SLC9A9: variants seen among roughly 807,000 people sequenced by gnomAD.
SLC9A9 encodes sodium/hydrogen exchanger 9.
In SLC9A9, 62 loss-of-function variants were observed where a neutral mutation model predicts 77.8. The observed-to-expected ratio is 0.80, with a 90% CI of 0.65 to 0.98. SLC9A9 has a LOEUF of 0.98. Ranked by LOEUF, SLC9A9 falls within the 50% of genes least tolerant of loss-of-function variation. The pLI is 0.00. For synonymous variants in SLC9A9, 320 were observed against 283.5 expected, an observed-to-expected ratio of 1.13 and a Z score of -1.29; for missense variants, 775 against 774.9, an observed-to-expected ratio of 1.00 and a Z score of 0.00.
chr3:143,514,238 T>A (rs541446591), intron 9 of SLC9A9, among the ~76,000 whole-genome samples: 1 of 150,916 alleles, frequency 6.6e-6, no homozygotes, highest in African/African-American at 2.4e-5. Flanking sequence ...GAGCAGTAAA[T>A]CTCAATGGCG....
chr3:143,739,576 T>C (rs1196821324), intron 4 of SLC9A9, among the ~76,000 whole-genome samples: 1 of 152,268 alleles, frequency 6.6e-6, no homozygotes, highest in Non-Finnish European at 1.5e-5. Flanking sequence ...AGTCTTACTT[T>C]ATTTTATGAT....
intron 2 of SLC9A9, among the ~76,000 whole-genome samples, chr3:143,804,636 C>G (rs993424782): frequency 6.6e-6 from 1 of 152,202 alleles, no homozygotes; most frequent in African/African-American, 2.4e-5. Flanking sequence ...CAGGCACATG[C>G]TCACTAGTTT....
At chr3:143,619,742 C>T (rs1044627191) in intron 6 of SLC9A9, among the ~76,000 whole-genome samples, 1 of 152,182 alleles carries the variant, frequency 6.6e-6, no homozygotes, top group Non-Finnish European at 1.5e-5. Flanking sequence ...AAGAAAGGAC[C>T]AAGTCGAAGC....
intron 12 of SLC9A9, among the ~76,000 whole-genome samples, chr3:143,396,278 G>T (rs990962398): frequency 2.0e-5 from 3 of 152,176 alleles, no homozygotes; most frequent in African/African-American, 7.2e-5. Flanking sequence ...CATAAAAAAT[G>T]ATGAGTTCCT....
At chr3:143,773,133 T>G (rs1336344938) in intron 4 of SLC9A9, among the ~76,000 whole-genome samples, 2 of 152,224 alleles carry the variant, frequency 1.3e-5, no homozygotes, top group African/African-American at 4.8e-5. Flanking sequence ...GGTTGTATAT[T>G]AATCTTCACT....
chr3:143,520,471 A>C (rs1372424176), intron 9 of SLC9A9, among the ~76,000 whole-genome samples: 1 of 152,212 alleles, frequency 6.6e-6, no homozygotes, highest in Non-Finnish European at 1.5e-5. Flanking sequence ...TGTAAGACAT[A>C]ACTGTTGTTT....
At chr3:143,383,898 G>A (rs1160622460) in intron 12 of SLC9A9, among the ~76,000 whole-genome samples, 1 of 152,182 alleles carries the variant, frequency 6.6e-6, no homozygotes, top group Non-Finnish European at 1.5e-5. Flanking sequence ...CTTATAAGGA[G>A]AACAGTAACG....
At chr3:143,379,182 T>G (rs1042939588) in intron 13 of SLC9A9, among the ~76,000 whole-genome samples, 40 of 152,198 alleles carry the variant, frequency 2.6e-4, no homozygotes, top group Non-Finnish European at 1.3e-4. Context: ...AACCTATTTG[T>G]TAATGCAAAC....
In SLC9A9 at chr3:143,674,294, T is replaced by A. The variant is rs759056015; in HGVS notation, c.649+18898A>T. Reference sequence around the variant, plus strand: ...AATCTTGCCTTAATGAACTGACACTTTTGATATCCAGGACGCTCTGACCAC... The same window carrying A: ...AATCTTGCCTTAATGAACTGACACTATTGATATCCAGGACGCTCTGACCAC... On this transcript the variant is annotated intron_variant, in intron 5 of 15. Transcript: ENST00000316549. Among the ~76,000 whole-genome samples the A allele has an allele frequency of 3.3e-5, 5 of 152,226 alleles. No homozygotes were observed. The South Asian group carries it at 1.0e-3, about 32-fold the overall frequency.
intron 12 of SLC9A9, among the ~76,000 whole-genome samples, chr3:143,449,033 A>G (rs2034907318): frequency 2.2e-5 from 1 of 45,098 alleles, no homozygotes; most frequent in Non-Finnish European, 3.3e-5. Flanking sequence ...TTATATAATT[A>G]TATAAAATAT....
intron 9 of SLC9A9, among the ~76,000 whole-genome samples, chr3:143,535,367 C>T (rs765265689): frequency 1.4e-4 from 22 of 152,208 alleles, no homozygotes; most frequent in Non-Finnish European, 2.9e-4. Context: ...AAGCTAAAAA[C>T]GAGTCAGGTC....
At position 143,363,465 on chromosome 3, in the gene SLC9A9, C is replaced by T. The variant is rs142872399; in HGVS notation, c.1604+19G>A. Reference sequence around the variant, plus strand: ...CTGCCTGCAGCAGGATCTGTGAGATCGTTATTATCAAAGGATACTTGTGGT... The same window carrying T: ...CTGCCTGCAGCAGGATCTGTGAGATTGTTATTATCAAAGGATACTTGTGGT... On this transcript the variant is annotated intron_variant, in intron 14 of 15. Coordinates refer to ENST00000316549, the MANE Select transcript of SLC9A9 (RefSeq NM_173653.4). 1.5e-5 allele frequency: 24 copies of T among 1,607,436 alleles called. No individual in the cohort carries two copies. The African/African-American group carries it at 2.0e-4, about 13-fold the overall frequency.
chr3:143,491,344 T>C (rs7622668), intron 11 of SLC9A9, among the ~76,000 whole-genome samples: 2 of 152,182 alleles, frequency 1.3e-5, no homozygotes, highest in Non-Finnish European at 2.9e-5. Flanking sequence ...TAGGGCCAGA[T>C]AGTAATATTT....
At chr3:143,819,525 A>G (rs920840558) in intron 2 of SLC9A9, among the ~76,000 whole-genome samples, 1 of 152,168 alleles carries the variant, frequency 6.6e-6, no homozygotes, top group Admixed American at 6.5e-5. Flanking sequence ...AGCTTCCAGA[A>G]CTTTGGTTCC....
At chr3:143,270,934 A>T (rs544323907) in intron 14 of SLC9A9, among the ~76,000 whole-genome samples, 5 of 152,346 alleles carry the variant, frequency 3.3e-5, no homozygotes, top group Admixed American at 1.3e-4. Flanking sequence ...GTCCAAAAAA[A>T]TTAAATGGAA....
intron 6 of SLC9A9, among the ~76,000 whole-genome samples, chr3:143,621,074 G>A (rs891323056): frequency 4.6e-5 from 7 of 152,176 alleles, no homozygotes; most frequent in South Asian, 2.1e-4. Flanking sequence ...GGGGAGGGGC[G>A]CCCACCATTG....
At chr3:143,593,516 C>A (rs1312804248) in intron 6 of SLC9A9, among the ~76,000 whole-genome samples, 1 of 152,026 alleles carries the variant, frequency 6.6e-6, no homozygotes, top group Non-Finnish European at 1.5e-5. Context: ...CTTGGAAAAT[C>A]CAATTAAAAA....
chr3:143,807,335 A>G (rs993585825), intron 2 of SLC9A9, among the ~76,000 whole-genome samples: 3 of 152,232 alleles, frequency 2.0e-5, no homozygotes, highest in African/African-American at 7.2e-5. Flanking sequence ...TTGCAGTCCA[A>G]AAAGTTTTTT....
intron 4 of SLC9A9, among the ~76,000 whole-genome samples, chr3:143,763,684 A>C (rs2007211237): frequency 6.6e-6 from 1 of 152,044 alleles, no homozygotes; most frequent in Admixed American, 6.6e-5. Flanking sequence ...AAGCTAGAAA[A>C]ATGAAGCAAA....
Sources: allele counts gnomAD v4.1 joint callset (sites outside exome capture counted in the v4.1 genomes callset), GRCh38; gene constraint gnomAD v4.1.1; transcripts MANE v1.5; gene names NCBI Gene and HGNC (gene_info 2026-07-23, HGNC 2026-07-21).